The following TTC34 variants were observed in gnomAD, a reference collection of about 807,000 sequenced individuals.
TTC34 encodes the protein tetratricopeptide repeat protein 34.
Under a neutral mutation model 40.7 loss-of-function variants are expected in TTC34, and 44 were observed. The observed-to-expected ratio is 1.08, with a 90% CI of 0.85 to 1.39. The LOEUF (loss-of-function observed/expected upper bound fraction) is 1.39. TTC34 is among the 40% of genes most tolerant of loss of function. The pLI is 0.00. For missense variants in TTC34, 884 were observed against 838.0 expected (o/e 1.05, Z -0.68); for synonymous variants, 422 against 398.6 (o/e 1.06, Z -0.70).
rs568745789 is a variant in TTC34 at position 2,641,122 on chromosome 1, T to C, written c.*246A>G. 3.3e-3 allele frequency: 522 copies of C among 157,762 alleles called. 17 individuals carry two copies. The African/African-American group carries it at 0.039, about 12-fold the overall frequency. The allele number at this position is 157,762 out of a possible 1,614,324, so 9.8% of individuals were successfully genotyped here. ...GCTGGGAAGGTGGTGTGGGGAGGGCTGGGAAGGGGGAGGGCTGGGAAGGGG... is the reference window on the plus strand; with the variant it reads ...GCTGGGAAGGTGGTGTGGGGAGGGCCGGGAAGGGGGAGGGCTGGGAAGGGG... On this transcript the variant is annotated 3_prime_UTR_variant, in exon 9 of 9. Coordinates refer to ENST00000401095, the Ensembl canonical transcript of TTC34.
intron 6 of TTC34, among the ~76,000 whole-genome samples, chr1:2,646,034 C>T (rs772411278): frequency 1.6e-4 from 24 of 152,228 alleles, no homozygotes; most frequent in East Asian, 5.8e-4. Flanking sequence ...TTGGGGACGC[C>T]GGAAGGGTAG....
At chr1:2,787,366 G>A (rs951324376) in intron 4 of TTC34, 115 bp downstream of exon 4, 58 of 950,670 alleles carry the variant, frequency 6.1e-5, no homozygotes, top group African/African-American at 3.7e-4. Context: ...GAATGCAGTC[G>A]CCTGGTCCAA....
intron 6 of TTC34, among the ~76,000 whole-genome samples, chr1:2,752,444 C>A (rs1297107006): frequency 0.029 from 30 of 1,020 alleles, no homozygotes; most frequent in South Asian, 0.056. Context: ...TGGAACAGCA[C>A]CCTGCACCCC....
chr1:2,781,677 T>A (rs192191436), intron 6 of TTC34, among the ~76,000 whole-genome samples: 1 of 152,208 alleles, frequency 6.6e-6, no homozygotes, highest in Admixed American at 6.5e-5. Flanking sequence ...ATGGATTTTA[T>A]ATTGAGGCAG....
At chr1:2,764,297 C>T (rs1641728436) in intron 6 of TTC34, among the ~76,000 whole-genome samples, 1 of 145,896 alleles carries the variant, frequency 6.9e-6, no homozygotes, top group African/African-American at 2.5e-5. Context: ...GAGCAGCACA[C>T]ACAACCCCAG....
intron 2 of TTC34, among the ~76,000 whole-genome samples, chr1:2,798,386 T>C (rs1279750543): frequency 2.2e-5 from 1 of 45,164 alleles, no homozygotes. Context: ...TCCCAGCCTC[T>C]CAGCCCCTCA....
intron 6 of TTC34, among the ~76,000 whole-genome samples, chr1:2,685,559 T>C (rs139748592): frequency 0.04 from 767 of 19,126 alleles, no homozygotes; most frequent in Middle Eastern, 0.11. Flanking sequence ...GCACCCACAC[T>C]CCCAGGCGAG....
chr1:2,759,873 T>TCTGACAGTGTGGAACACCAC (rs1641636880), intron 6 of TTC34, among the ~76,000 whole-genome samples: 114 of 63,364 alleles, frequency 1.8e-3, no homozygotes, highest in Admixed American at 2.5e-3. Flanking sequence ...TGGAGTAGTA[T>TCTGACAGTGTGGAACACCAC]CCTGCACCCT....
Position 2,691,561 on chromosome 1 carries a change from C to A in TTC34, c.2227-45998G>T, listed in dbSNP as rs1640618687. ...CCCACACCCCCAGGTGAGCATCTGA[C>A]AGACTGGAACAGCACCCACATGCCC... On this transcript the variant is annotated intron_variant, in intron 6 of 8. Transcript: ENST00000401095. Among the ~76,000 whole-genome samples the A allele has an allele frequency of 2.3e-5, 3 of 132,526 alleles. 1 individual carries two copies. Among genetic ancestry groups the A allele is most frequent in the Non-Finnish European group, 5.1e-5 (3 of 58,934 alleles). 86.9% of individuals were successfully genotyped at this position (132,526 alleles called of 152,430 possible).
intron 6 of TTC34, among the ~76,000 whole-genome samples, chr1:2,768,161 C>T (rs913743211): frequency 6.6e-6 from 1 of 151,648 alleles, no homozygotes; most frequent in East Asian, 1.9e-4. Context: ...GATCAACACT[C>T]GAACCTTCAG....
intron 6 of TTC34, among the ~76,000 whole-genome samples, chr1:2,777,879 G>A (rs1643338250): frequency 6.6e-6 from 1 of 152,206 alleles, no homozygotes; most frequent in South Asian, 2.1e-4. Context: ...GGTACCCCTT[G>A]GAGGAGGTTC....
At chr1:2,684,519 C>G (rs113873455) in intron 6 of TTC34, among the ~76,000 whole-genome samples, 2 of 147,974 alleles carry the variant, frequency 1.4e-5, no homozygotes, top group South Asian at 2.1e-4. Flanking sequence ...ACCCACACCC[C>G]CAGGTGAGCA....
At position 2,698,343 on chromosome 1, in the gene TTC34, A is replaced by T. The variant is rs1640963957; in HGVS notation, c.2227-52780T>A. The stretch of plus-strand genomic sequence containing the variant: ...ACCCACACCCCCAGGCGAGCATCTG[A>T]CGTCCTGGAACAGCACCCACACCCA... On this transcript the variant is annotated intron_variant, in intron 6 of 8. Coordinates refer to ENST00000401095, the Ensembl canonical transcript of TTC34. Among the ~76,000 whole-genome samples, 2 of 62,118 alleles carry T rather than the reference A, an allele frequency of 3.2e-5. 1 individual carries two copies. The allele number at this position is 62,118 out of a possible 152,430, so 40.8% of individuals were successfully genotyped here. A position where few individuals can be genotyped will look rare whatever the true frequency, so the allele number is the denominator to read the frequency against.
At chr1:2,691,292 G>A (rs1640606273) in intron 6 of TTC34, among the ~76,000 whole-genome samples, 1 of 94,354 alleles carries the variant, frequency 1.1e-5, no homozygotes, top group Admixed American at 1.0e-4. Context: ...GCCTGGAGCA[G>A]CACCCACAAC....
intron 6 of TTC34, among the ~76,000 whole-genome samples, chr1:2,693,336 G>T (rs1406307477): frequency 9.4e-6 from 1 of 106,420 alleles, no homozygotes; most frequent in East Asian, 2.8e-4. Context: ...GCCTGGAACA[G>T]CACGCACACC....
chr1:2,642,371 C>T (rs1056600039), intron 8 of TTC34, among the ~76,000 whole-genome samples: 1 of 152,156 alleles, frequency 6.6e-6, no homozygotes, highest in African/African-American at 2.4e-5. Context: ...GGCTGCTGCC[C>T]AGCCCTTCCA....
chr1:2,657,480 C>G (rs1387714294), intron 6 of TTC34, among the ~76,000 whole-genome samples: 1 of 71,372 alleles, frequency 1.4e-5, no homozygotes, highest in African/African-American at 4.5e-5. Flanking sequence ...AGCATCTGAC[C>G]GAACGGAGCA....
intron 6 of TTC34, among the ~76,000 whole-genome samples, chr1:2,675,231 G>T (rs1198711544): frequency 2.3e-4 from 29 of 124,806 alleles, no homozygotes; most frequent in Non-Finnish European, 4.2e-4. Context: ...GCCTGGAACA[G>T]CACCCACAAC....
intron 6 of TTC34, among the ~76,000 whole-genome samples, chr1:2,687,529 C>A (rs1196423456): frequency 4.1e-5 from 6 of 147,686 alleles, no homozygotes; most frequent in Admixed American, 2.0e-4. Flanking sequence ...CCCACACCCC[C>A]AGGTGAGCAT....
Sources: allele counts gnomAD v4.1 joint callset (sites outside exome capture counted in the v4.1 genomes callset), GRCh38; gene constraint gnomAD v4.1.1; transcripts MANE v1.5; gene names NCBI Gene and HGNC (gene_info 2026-07-23, HGNC 2026-07-21).